SLC39A11: variants seen among roughly 807,000 people sequenced by gnomAD.
The protein encoded by SLC39A11 is zinc transporter ZIP11.
A neutral mutation model predicts 36.1 loss-of-function variants in SLC39A11; 33 were observed. That is an observed-to-expected ratio of 0.91 (90% confidence interval 0.69 to 1.22). The LOEUF is 1.22. Ranked by LOEUF, SLC39A11 falls within the 50% of genes most tolerant of loss-of-function variation. SLC39A11 has a pLI of 0.00. For synonymous variants in SLC39A11, 166 were observed against 170.3 expected (o/e 0.97, Z 0.20); for missense variants, 432 against 430.3 (o/e 1.00, Z -0.03).
intron 3 of SLC39A11, among the ~76,000 whole-genome samples, chr17:73,063,093 C>G (rs556685583): frequency 6.6e-6 from 1 of 152,246 alleles, no homozygotes; most frequent in African/African-American, 2.4e-5. Flanking sequence ...TCTAGTGACA[C>G]AGGAATCCAT....
intron 7 of SLC39A11, among the ~76,000 whole-genome samples, chr17:72,707,217 T>C (rs1336099660): frequency 1.3e-5 from 2 of 151,986 alleles, no homozygotes; most frequent in East Asian, 1.9e-4. Context: ...CTGGGCAACA[T>C]AGGAAGACCC....
At chr17:72,882,794 C>CTTCTTTTTTTTTTTTCTTT (rs138410853) in intron 5 of SLC39A11, among the ~76,000 whole-genome samples, 1,648 of 66,420 alleles carry the variant, frequency 0.025, 51 homozygotes, top group South Asian at 0.057. Context: ...AGAGAGAATG[C>CTTCTTTTTTTTTTTTCTTT]TTCTTTTTTT....
In SLC39A11 at chr17:72,847,762, T is replaced by C. The variant is rs113813594; in HGVS notation, c.601+1872A>G. ...TATCAAGTTATACAGAGGAACAGAC[T>C]CACTTTGGCCATGCTTTTTGCTTCC... On this transcript the variant is annotated intron_variant, in intron 6 of 9. Transcript: ENST00000255559. Among the ~76,000 whole-genome samples the C allele has an allele frequency of 7.6e-3, 1,156 of 152,296 alleles. 9 individuals are homozygous for C. Among genetic ancestry groups the C allele is most frequent in the African/African-American group, 0.026 (1,094 of 41,562 alleles).
At chr17:72,691,787 G>A (rs190750872) in intron 7 of SLC39A11, among the ~76,000 whole-genome samples, 4 of 152,264 alleles carry the variant, frequency 2.6e-5, no homozygotes, top group African/African-American at 7.2e-5. Flanking sequence ...AACATTCCCA[G>A]AACCTTGCAA....
At chr17:72,902,090 G>C (rs1306994406) in intron 5 of SLC39A11, among the ~76,000 whole-genome samples, 2 of 152,000 alleles carry the variant, frequency 1.3e-5, no homozygotes, top group African/African-American at 4.8e-5. Flanking sequence ...TGGCCAACAT[G>C]GTAAAACCCC....
intron 5 of SLC39A11, among the ~76,000 whole-genome samples, chr17:72,885,773 G>A (rs916283781): frequency 2.0e-5 from 3 of 152,026 alleles, no homozygotes; most frequent in Admixed American, 1.3e-4. Context: ...AGTGGCCCTC[G>A]CTAGAGCCAC....
chr17:72,698,982 C>A (rs1327433594), intron 7 of SLC39A11, among the ~76,000 whole-genome samples: 1 of 152,076 alleles, frequency 6.6e-6, no homozygotes. Context: ...AGGCGCCCGC[C>A]ACCACACCTA....
intron 3 of SLC39A11, among the ~76,000 whole-genome samples, chr17:73,064,919 A>G (rs1009499957): frequency 6.6e-6 from 1 of 152,146 alleles, no homozygotes; most frequent in African/African-American, 2.4e-5. Context: ...TTGGCACTGT[A>G]TCCCCCTACT....
At chr17:72,896,691 G>A (rs1380133743) in intron 5 of SLC39A11, among the ~76,000 whole-genome samples, 2 of 152,042 alleles carry the variant, frequency 1.3e-5, no homozygotes, top group African/African-American at 4.8e-5. Flanking sequence ...AAACACAGAT[G>A]AGAAAATGCT....
chr17:72,979,126 G>A (rs1262349810), intron 4 of SLC39A11, among the ~76,000 whole-genome samples: 1 of 152,164 alleles, frequency 6.6e-6, no homozygotes, highest in Admixed American at 6.5e-5. Context: ...TCTCGTGATA[G>A]TGAGTGAGTT....
intron 7 of SLC39A11, among the ~76,000 whole-genome samples, chr17:72,651,250 T>C (rs11077617): frequency 0.81 from 123,433 of 152,076 alleles, 50,141 homozygotes; most frequent in East Asian, 0.85. Context: ...AATCTGCCCC[T>C]GTGTGCAACA....
intron 3 of SLC39A11, among the ~76,000 whole-genome samples, chr17:73,043,383 C>T (rs561402904): frequency 6.6e-6 from 1 of 152,278 alleles, no homozygotes; most frequent in East Asian, 1.9e-4. Context: ...TTGTTTCCAA[C>T]TCTGGTTGTA....
intron 5 of SLC39A11, among the ~76,000 whole-genome samples, chr17:72,923,472 T>C (rs1180958770): frequency 1.3e-5 from 2 of 152,168 alleles, no homozygotes; most frequent in Non-Finnish European, 2.9e-5. Context: ...AAGTGGGATA[T>C]GCCATAACAG....
chr17:72,942,031 C>A (rs1052673939), intron 5 of SLC39A11, among the ~76,000 whole-genome samples: 3 of 151,300 alleles, frequency 2.0e-5, no homozygotes, highest in Non-Finnish European at 4.4e-5. Flanking sequence ...CAGGCATGTG[C>A]CACCACGCCT....
intron 6 of SLC39A11, among the ~76,000 whole-genome samples, chr17:72,832,077 C>T (rs189568857): frequency 6.6e-6 from 1 of 152,260 alleles, no homozygotes; most frequent in Non-Finnish European, 1.5e-5. Flanking sequence ...AGATATAAGA[C>T]AAAATGAAAT....
chr17:73,037,989 G>A (rs180766054), intron 3 of SLC39A11, among the ~76,000 whole-genome samples: 157 of 152,346 alleles, frequency 1.0e-3, no homozygotes, highest in Non-Finnish European at 1.7e-3. Flanking sequence ...TTGGGAGGCC[G>A]AGGCAGGCGG....
intron 5 of SLC39A11, among the ~76,000 whole-genome samples, chr17:72,938,469 C>A (rs1257886680): frequency 6.6e-6 from 1 of 152,156 alleles, no homozygotes; most frequent in East Asian, 1.9e-4. Flanking sequence ...TTATTAGGCA[C>A]TTTTAGTAAC....
intron 1 of SLC39A11, among the ~76,000 whole-genome samples, chr17:73,091,278 A>G (rs1370444433): frequency 1.3e-5 from 2 of 151,914 alleles, no homozygotes; most frequent in Admixed American, 1.3e-4. Flanking sequence ...AAACACAAAA[A>G]TTACTTGGGC....
intron 7 of SLC39A11, among the ~76,000 whole-genome samples, chr17:72,724,205 G>A (rs1439011412): frequency 6.6e-6 from 1 of 152,074 alleles, no homozygotes; most frequent in Non-Finnish European, 1.5e-5. Context: ...GAGGGACAGA[G>A]GGGGATAAGA....
Sources: allele counts gnomAD v4.1 joint callset (sites outside exome capture counted in the v4.1 genomes callset), GRCh38; gene constraint gnomAD v4.1.1; transcripts MANE v1.5; gene names NCBI Gene and HGNC (gene_info 2026-07-23, HGNC 2026-07-21).